WWC2: variants seen among roughly 807,000 people sequenced by gnomAD.
WWC2 encodes WW and C2 domain containing 2.
WWC2 carries 101 observed loss-of-function variants against 138.5 expected under a neutral mutation model. The observed-to-expected ratio is 0.73, with a 90% CI of 0.62 to 0.86. The LOEUF (loss-of-function observed/expected upper bound fraction) is 0.86. WWC2 is among the 40% of genes least tolerant of loss of function. The probability of loss-of-function intolerance (pLI) is 0.00; values close to 1 mark genes in which losing one functional copy is unlikely to be tolerated. For synonymous variants in WWC2, 558 were observed against 538.4 expected, an observed-to-expected ratio of 1.04 and a Z score of -0.50; for missense variants, 1,420 against 1,419.4, an observed-to-expected ratio of 1.00 and a Z score of -0.01.
At chr4:183,193,081 A>C (rs1297613279) in intron 1 of WWC2, among the ~76,000 whole-genome samples, 1 of 152,172 alleles carries the variant, frequency 6.6e-6, no homozygotes, top group African/African-American at 2.4e-5. Context: ...AGTGACTGTT[A>C]TGTACAAGAT....
intron 4 of WWC2, among the ~76,000 whole-genome samples, chr4:183,232,639 A>C (rs1560856498): frequency 6.6e-6 from 1 of 150,916 alleles, no homozygotes; most frequent in Non-Finnish European, 1.5e-5. Context: ...ATTCCATTAT[A>C]TGAATAAAGT....
intron 21 of WWC2, among the ~76,000 whole-genome samples, chr4:183,306,040 A>G (rs1739015861): frequency 6.6e-6 from 1 of 152,218 alleles, no homozygotes. Context: ...ACTACTCATG[A>G]TGTGGTATAA....
intron 2 of WWC2, among the ~76,000 whole-genome samples, chr4:183,195,857 C>T (rs977226475): frequency 1.9e-4 from 29 of 152,148 alleles, no homozygotes; most frequent in African/African-American, 6.5e-4. Context: ...CACCCGAGAC[C>T]CCACGATGTA....
At position 183,226,132 on chromosome 4, in the gene WWC2, C is replaced by G. The variant is rs546066979; in HGVS notation, c.523-14051C>G. Reference sequence around the variant, plus strand: ...TTTTTTTTGATACAGGGTCTCGGCTCTGTCATTCAGGCTGAGTGCAGTGGT... The same window carrying G: ...TTTTTTTTGATACAGGGTCTCGGCTGTGTCATTCAGGCTGAGTGCAGTGGT... On this transcript the variant is annotated intron_variant, in intron 4 of 22. Coordinates refer to ENST00000403733, the MANE Select transcript of WWC2 (RefSeq NM_024949.6). Among the ~76,000 whole-genome samples the G allele has an allele frequency of 1.2e-3, 162 of 139,950 alleles. 1 individual carries two copies. Among genetic ancestry groups the G allele is most frequent in the Non-Finnish European group, 2.1e-3 (137 of 65,964 alleles). 91.8% of individuals were successfully genotyped at this position (139,950 alleles called of 152,430 possible). A position where few individuals can be genotyped will look rare whatever the true frequency, so the allele number is the denominator to read the frequency against.
At chr4:183,247,647 A>AGT (rs1560864799) in intron 6 of WWC2, among the ~76,000 whole-genome samples, 23 of 140,730 alleles carry the variant, frequency 1.6e-4, no homozygotes, top group Admixed American at 5.2e-4. Context: ...TACTATATAT[A>AGT]CTATATACTA....
chr4:183,102,992 T>C (rs1743227921), intron 1 of WWC2, among the ~76,000 whole-genome samples: 1 of 152,046 alleles, frequency 6.6e-6, no homozygotes, highest in Non-Finnish European at 1.5e-5. Context: ...GTGGGTTGGC[T>C]TTACCAACTC....
chr4:183,125,347 T>C (rs1230307077), intron 1 of WWC2, among the ~76,000 whole-genome samples: 1 of 152,224 alleles, frequency 6.6e-6, no homozygotes, highest in Non-Finnish European at 1.5e-5. Flanking sequence ...TTTGTTATTG[T>C]AGCTGTCATT....
At chr4:183,249,836 A>G (rs146941214) in intron 7 of WWC2, 84 bp from the exon 8 acceptor site, 74 of 1,114,174 alleles carry the variant, frequency 6.6e-5, no homozygotes, top group African/African-American at 5.6e-4. Flanking sequence ...CTTTTCAATT[A>G]CACATACTTC....
At chr4:183,312,558 G>A (rs1579080124) in intron 22 of WWC2, 90 bp downstream of exon 22, 1 of 1,560,780 alleles carries the variant, frequency 6.4e-7, no homozygotes, top group Admixed American at 1.7e-5. Flanking sequence ...AAGTTAATAT[G>A]AGGATCCGAG....
chr4:183,196,168 G>A (rs559196076), intron 2 of WWC2, among the ~76,000 whole-genome samples: 12 of 152,258 alleles, frequency 7.9e-5, no homozygotes, highest in South Asian at 4.1e-4. Flanking sequence ...CACTGGGGCC[G>A]TGCTTGTATA....
intron 2 of WWC2, among the ~76,000 whole-genome samples, chr4:183,200,927 TAGG>T (rs1406290540): frequency 6.6e-6 from 1 of 152,198 alleles, no homozygotes; most frequent in Non-Finnish European, 1.5e-5. Context: ...CATAAATTAC[TAGG>T]AGATGAGGAT....
intron 1 of WWC2, among the ~76,000 whole-genome samples, chr4:183,143,154 A>T (rs1286739858): frequency 2.0e-5 from 3 of 152,234 alleles, no homozygotes; most frequent in African/African-American, 7.2e-5. Context: ...AAATAATATT[A>T]AAATTAACTT....
At chr4:183,108,586 T>G (rs1732121645) in intron 1 of WWC2, among the ~76,000 whole-genome samples, 1 of 151,936 alleles carries the variant, frequency 6.6e-6, no homozygotes, top group African/African-American at 2.4e-5. Context: ...ACTAAGGAAA[T>G]CTGAATAAGG....
chr4:183,168,851 T>C (rs1253964305), intron 1 of WWC2, among the ~76,000 whole-genome samples: 1 of 152,184 alleles, frequency 6.6e-6, no homozygotes, highest in African/African-American at 2.4e-5. Flanking sequence ...TATAGTATTA[T>C]AATTTTTTTT....
chr4:183,319,646 G>C lies in WWC2; in HGVS notation c.*3917G>C, dbSNP rs758374149. On this transcript the variant is annotated 3_prime_UTR_variant, in exon 23 of 23. Coordinates refer to ENST00000403733, the MANE Select transcript of WWC2 (RefSeq NM_024949.6). The stretch of plus-strand genomic sequence containing the variant: ...CGTAGTGGCCCGAAGCTAGGGGAGC[G>C]TGGCTGGAGCAGGCTGCACAGTGGA... The C allele has an allele frequency of 1.9e-6, 3 of 1,614,136 alleles. No homozygotes were observed. Among genetic ancestry groups the C allele is most frequent in the Non-Finnish European group, 2.5e-6 (3 of 1,180,018 alleles).
intron 1 of WWC2, among the ~76,000 whole-genome samples, chr4:183,120,708 T>A (rs1732570981): frequency 6.6e-6 from 1 of 152,174 alleles, no homozygotes; most frequent in Non-Finnish European, 1.5e-5. Flanking sequence ...TTATCTTTAG[T>A]TTTGGGGAAG....
chr4:183,257,157 C>T (rs1479275397), intron 9 of WWC2, among the ~76,000 whole-genome samples: 2 of 152,238 alleles, frequency 1.3e-5, no homozygotes, highest in Admixed American at 6.5e-5. Context: ...AACATTGCTC[C>T]TTGTTTTATC....
intron 4 of WWC2, among the ~76,000 whole-genome samples, chr4:183,232,095 C>T (rs1644613866): frequency 6.6e-6 from 1 of 152,124 alleles, no homozygotes; most frequent in South Asian, 2.1e-4. Context: ...TGTGGATGCG[C>T]ATCTGAAATG....
intron 4 of WWC2, among the ~76,000 whole-genome samples, chr4:183,222,997 G>A (rs1735974433): frequency 1.3e-5 from 2 of 152,074 alleles, no homozygotes; most frequent in Admixed American, 1.3e-4. Flanking sequence ...ATAGTTACGT[G>A]CCAAATAAAT....
Sources: gnomAD v4.1 joint callset for allele counts (sites outside exome capture counted in the v4.1 genomes callset) on GRCh38, gnomAD v4.1.1 for gene constraint, MANE v1.5 for transcripts, NCBI Gene and HGNC (gene_info 2026-07-23, HGNC 2026-07-21) for gene names.